Variants in TSPAN11 observed in about 807,000 individuals in gnomAD.
TSPAN11 encodes tetraspanin 11.
In TSPAN11, 29 loss-of-function variants were observed where a neutral mutation model predicts 32.9. The ratio of observed to expected loss-of-function variants is 0.88; its 90% CI spans 0.66 to 1.20. The LOEUF is 1.20. TSPAN11 is among the 50% of genes most tolerant of loss of function. The pLI is 0.00. For missense variants in TSPAN11, 283 were observed against 329.1 expected (o/e 0.86, Z 1.08); for synonymous variants, 140 against 141.3 (o/e 0.99, Z 0.07).
Position 30,995,096 on chromosome 12 carries a change from G to T in TSPAN11, c.*3181G>T, listed in dbSNP as rs1939391255. ...ACAGCTGGACCCTCTGGGTGCAGGGGCTCAGGCAGTGGCCAAGAGCCCAAA... is the reference window on the plus strand; with the variant it reads ...ACAGCTGGACCCTCTGGGTGCAGGGTCTCAGGCAGTGGCCAAGAGCCCAAA... On this transcript the variant is annotated 3_prime_UTR_variant, in exon 8 of 8. Coordinates refer to ENST00000546076, the MANE Select transcript of TSPAN11 (RefSeq NM_001370302.1). The T allele has an allele frequency of 6.6e-6, 1 of 152,290 alleles. No homozygotes were observed. The highest frequency in any genetic ancestry group is 2.4e-5 in the African/African-American group (1 of 41,460). 9.4% of individuals were successfully genotyped at this position (152,290 alleles called of 1,614,324 possible). A position where few individuals can be genotyped will look rare whatever the true frequency, so the allele number is the denominator to read the frequency against.
At chr12:31,010,266 C>T in the TSPAN11 span, among the ~76,000 whole-genome samples, 6 of 152,232 alleles carry the variant, frequency 3.9e-5, no homozygotes, top group Non-Finnish European at 7.3e-5. Flanking sequence ...GATGCCATGT[C>T]ACCACCCTAC....
chr12:30,934,063 G>C lies in TSPAN11; in HGVS notation c.-12+7267G>C, dbSNP rs1230239795. Among the ~76,000 whole-genome samples, 72 of 152,206 alleles carry C rather than the reference G, an allele frequency of 4.7e-4. 1 individual carries two copies. The highest frequency in any genetic ancestry group is 4.7e-3 in the Admixed American group (72 of 15,278). Reference sequence around the variant, plus strand: ...TGGAGGTGTCATCCACTTTGGCCCGGCTCTCTGGGGGACTGTGGATGCTGG... The same window carrying C: ...TGGAGGTGTCATCCACTTTGGCCCGCCTCTCTGGGGGACTGTGGATGCTGG... On this transcript the variant is annotated intron_variant, in intron 1 of 7. Transcript: ENST00000546076.
chr12:30,964,221 G>C (rs1452742379), intron 3 of TSPAN11, among the ~76,000 whole-genome samples: 1 of 152,120 alleles, frequency 6.6e-6, no homozygotes, highest in East Asian at 1.9e-4. Context: ...CTCAGTAGCT[G>C]CAGTGGCAGC....
intron 7 of TSPAN11, among the ~76,000 whole-genome samples, chr12:30,990,228 C>CT (rs1939285123): frequency 6.6e-6 from 1 of 152,180 alleles, no homozygotes; most frequent in Non-Finnish European, 1.5e-5. Flanking sequence ...TGTGCCTGTC[C>CT]TGGGAGGCTC....
At chr12:30,979,441 C>A in intron 4 of TSPAN11, 125 bp from the exon 5 acceptor site, 1 of 838,504 alleles carries the variant, frequency 1.2e-6, no homozygotes, top group Non-Finnish European at 2.0e-6. Flanking sequence ...GAGAAACCTC[C>A]GCATCACACC....
chr12:31,005,035 G>A, the TSPAN11 span, among the ~76,000 whole-genome samples: 2 of 152,222 alleles, frequency 1.3e-5, no homozygotes, highest in Non-Finnish European at 2.9e-5. Context: ...CATTCTGAGC[G>A]AAGGCTGGTG....
At chr12:30,927,142 T>C in intron 1 of TSPAN11, 1 of 745,286 alleles carries the variant, frequency 1.3e-6, no homozygotes, top group Non-Finnish European at 1.9e-6. Context: ...GGGGCATGTC[T>C]GTTCCTCTTG....
At chr12:30,969,362 C>G (rs1938802392) in intron 3 of TSPAN11, among the ~76,000 whole-genome samples, 1 of 152,226 alleles carries the variant, frequency 6.6e-6, no homozygotes, top group Non-Finnish European at 1.5e-5. Context: ...TTTGGTGGCT[C>G]TTTAACCTTT....
chr12:30,962,979 A>G (rs1938643782), intron 2 of TSPAN11, among the ~76,000 whole-genome samples: 1 of 152,184 alleles, frequency 6.6e-6, no homozygotes, highest in Non-Finnish European at 1.5e-5. Context: ...TTCATTGCAA[A>G]TAGAACCAGC....
At chr12:30,932,887 A>G (rs965097032) in intron 1 of TSPAN11, among the ~76,000 whole-genome samples, 12 of 152,216 alleles carry the variant, frequency 7.9e-5, no homozygotes, top group Non-Finnish European at 1.5e-4. Context: ...ATTTTAAGTC[A>G]TTTGGCTTTT....
intron 1 of TSPAN11, among the ~76,000 whole-genome samples, chr12:30,943,637 C>T (rs902322327): frequency 2.6e-5 from 4 of 152,182 alleles, no homozygotes; most frequent in South Asian, 2.1e-4. Context: ...CCTCCTGTTC[C>T]CCCACCCCAA....
At chr12:30,998,100 G>A (rs1221127626), downstream of TSPAN11, among the ~76,000 whole-genome samples, 2 of 152,172 alleles carry the variant, frequency 1.3e-5, no homozygotes, top group Non-Finnish European at 2.9e-5. Flanking sequence ...ATGAGTGTGT[G>A]CGTGTGTGTG....
chr12:31,005,657 G>A, the TSPAN11 span: 6 of 152,692 alleles, frequency 3.9e-5, no homozygotes, highest in African/African-American at 1.4e-4. Context: ...GTGGGCGCAG[G>A]GGTCATATCT....
intron 1 of TSPAN11, among the ~76,000 whole-genome samples, chr12:30,944,937 A>T (rs530693533): frequency 9.3e-4 from 141 of 152,272 alleles, no homozygotes; most frequent in African/African-American, 3.0e-3. Context: ...GGATCCTAAG[A>T]GTAGAGGATG....
chr12:30,962,289 T>C (rs760943055), intron 2 of TSPAN11, among the ~76,000 whole-genome samples: 17 of 152,166 alleles, frequency 1.1e-4, no homozygotes, highest in Admixed American at 3.3e-4. Context: ...GAAGAAATAG[T>C]ATCTATTAAA....
chr12:30,999,822 A>T (rs932740674), downstream of TSPAN11, among the ~76,000 whole-genome samples: 2 of 152,066 alleles, frequency 1.3e-5, no homozygotes, highest in Non-Finnish European at 2.9e-5. Flanking sequence ...TACTAACCAC[A>T]GGCCACTGTG....
At position 30,996,386 on chromosome 12, in the gene TSPAN11, A is replaced by C. The variant is rs961176186; in HGVS notation, c.*4471A>C. On this transcript the variant is annotated 3_prime_UTR_variant, in exon 8 of 8. Transcript: ENST00000546076. ...TGCCAGCCGTTATTCCAGGCAGCCC[A>C]ATGTTGTTGAGGCCAGATGGATTCC... The C allele has an allele frequency of 6.6e-6, 1 of 152,198 alleles. No individual in the cohort carries two copies. Among genetic ancestry groups the C allele is most frequent in the Non-Finnish European group, 1.5e-5 (1 of 68,072 alleles). 9.4% of individuals were successfully genotyped at this position (152,198 alleles called of 1,614,324 possible).
chr12:31,013,621 AAAACG>A, the TSPAN11 span, among the ~76,000 whole-genome samples: 1 of 150,674 alleles, frequency 6.6e-6, no homozygotes, highest in Non-Finnish European at 1.5e-5. Context: ...AAAACAAAAC[AAAACG>A]AGGGAGCATC....
chr12:30,992,136 C>T lies in TSPAN11; in HGVS notation c.*221C>T. 1 of 605,072 alleles carries T rather than the reference C, an allele frequency of 1.7e-6. No individual in the cohort carries two copies. The highest frequency in any genetic ancestry group is 3.0e-6 in the Non-Finnish European group (1 of 338,476). 37.5% of individuals were successfully genotyped at this position (605,072 alleles called of 1,614,324 possible). A position where few individuals can be genotyped will look rare whatever the true frequency, so the allele number is the denominator to read the frequency against. ...TCCTCCATTTCTGAGCCCCCATGGC[C>T]AGATCCTGGGCAGGGAAATGATCCT... is the stretch of plus-strand genomic sequence containing the variant. On this transcript the variant is annotated 3_prime_UTR_variant, in exon 8 of 8. Transcript: ENST00000546076.
Sources: allele counts gnomAD v4.1 joint callset (sites outside exome capture counted in the v4.1 genomes callset), GRCh38; gene constraint gnomAD v4.1.1; transcripts MANE v1.5; gene names NCBI Gene and HGNC (gene_info 2026-07-23, HGNC 2026-07-21).